The following MMUT variants were observed in gnomAD, a reference collection of about 807,000 sequenced individuals.
The protein encoded by MMUT is methylmalonyl-CoA mutase, mitochondrial.
MMUT carries 79 observed loss-of-function variants against 79.9 expected under a neutral mutation model. That is an observed-to-expected ratio of 0.99 (90% confidence interval 0.82 to 1.19). The LOEUF is 1.19. Among genes scored for constraint, MMUT ranks in the 50% most tolerant of loss-of-function variants. The pLI is 0.00. For missense variants in MMUT, 860 were observed against 917.2 expected (o/e 0.94, Z 0.81); for synonymous variants, 273 against 295.7 (o/e 0.92, Z 0.79).
Position 49,453,612 on chromosome 6 carries a change from C to G in MMUT, c.1056G>C (p.Gln352His). 6.2e-7 allele frequency: 1 copy of G among 1,612,066 alleles called. No individual in the cohort carries two copies. The highest frequency in any genetic ancestry group is 8.5e-7 in the Non-Finnish European group (1 of 1,178,686). Residue 352 changes from glutamine (Q) to histidine (H), a missense_variant, in exon 5 of 13, where the codon CAG (glutamine) becomes CAC (histidine). By Grantham distance (24) the Gln-to-His change is conservative (BLOSUM62 0). Coordinates refer to ENST00000274813, the MANE Select transcript of MMUT (RefSeq NM_000255.4). ...SKSLLLRAHC[Q>H]TSGWSLTEQD... ...GCTCAGTAAGTGACCATCCAGATGT[C>G]TGACAGTGTGCTCTTAGAAGAAGAG...
intron 7 of MMUT, 116 bp from the exon 8 acceptor site, chr6:49,447,901 A>G: frequency 3.0e-6 from 2 of 673,928 alleles, no homozygotes; most frequent in Non-Finnish European, 5.3e-6. Context: ...CTTAATTCTT[A>G]ATGCAACTTC....
chr6:49,452,215 G>A (rs2127418153), intron 5 of MMUT, among the ~76,000 whole-genome samples: 1 of 152,234 alleles, frequency 6.6e-6, no homozygotes, highest in African/African-American at 2.4e-5. Flanking sequence ...GGATCTCTCT[G>A]AACTTCAGTT....
chr6:49,437,818 CAG>C (rs1332697934), intron 11 of MMUT, among the ~76,000 whole-genome samples: 1 of 151,928 alleles, frequency 6.6e-6, no homozygotes, highest in Non-Finnish European at 1.5e-5. Context: ...CCATCCACTT[CAG>C]AGAGTGATTT....
chr6:49,457,113 T>C (rs1037203087), intron 3 of MMUT, among the ~76,000 whole-genome samples: 4 of 152,160 alleles, frequency 2.6e-5, no homozygotes, highest in African/African-American at 9.7e-5. Flanking sequence ...TTAACGTAGG[T>C]AAGGAGAAGG....
At chr6:49,447,425 T>C (rs956378859) in intron 8 of MMUT, among the ~76,000 whole-genome samples, 1 of 151,686 alleles carries the variant, frequency 6.6e-6, no homozygotes, top group Non-Finnish European at 1.5e-5. Context: ...TTCACAGAGG[T>C]AGATATCATG....
In MMUT at chr6:49,431,366, G is replaced by C. The variant is rs1419597322; in HGVS notation, c.*362C>G. 1 of 163,568 alleles carries C rather than the reference G, an allele frequency of 6.1e-6. No individual in the cohort carries two copies. Among genetic ancestry groups the C allele is most frequent in the East Asian group, 1.8e-4 (1 of 5,704 alleles). The allele number at this position is 163,568 out of a possible 1,614,324, so 10.1% of individuals were successfully genotyped here. ...AATGCTAAACTGACAAATGGGAATA[G>C]TCAGAGTTTTTTTAGGTACAGTTTA... On this transcript the variant is annotated 3_prime_UTR_variant, in exon 13 of 13. Transcript: ENST00000274813.
chr6:49,457,998 T>C lies in MMUT; in HGVS notation c.446A>G (p.Asp149Gly), dbSNP rs1194327802. ...DLATHRGYDSDNPRVRGDVGM... is the reference protein window; with the variant it reads ...DLATHRGYDSGNPRVRGDVGM... ...AACATCACCACGAACTCGAGGGTTG[T>C]CTGAATCATAGCCACGATGTGTCGC... The change falls in exon 3 of 13, where the codon GAC (aspartate) becomes GGC (glycine). Residue 149 changes from aspartate to glycine, a missense_variant. Coordinates refer to ENST00000274813, the MANE Select transcript of MMUT (RefSeq NM_000255.4). The C allele has an allele frequency of 2.5e-6, 4 of 1,605,714 alleles. No individual in the cohort carries two copies. Among genetic ancestry groups the C allele is most frequent in the Admixed American group, 1.7e-5 (1 of 59,984 alleles).
intron 12 of MMUT, among the ~76,000 whole-genome samples, chr6:49,434,388 C>G (rs1462048518): frequency 6.6e-6 from 1 of 151,994 alleles, no homozygotes; most frequent in African/African-American, 2.4e-5. Flanking sequence ...TGAATTTTCT[C>G]CTTTCACAAG....
Position 49,441,963 on chromosome 6 carries a change from A to G in MMUT, c.1685T>C (p.Val562Ala). 6.2e-7 allele frequency: 1 copy of G among 1,610,074 alleles called. No homozygotes were observed. Among genetic ancestry groups the G allele is most frequent in the Non-Finnish European group, 8.5e-7 (1 of 1,176,880 alleles). The change falls in exon 10 of 13, where the codon GTG becomes GCG. Residue 562 changes from valine (V) to alanine (A), a missense_variant. Physicochemically the swap from Val to Ala is moderately conservative, Grantham distance 64. Transcript: ENST00000274813. Reference sequence around the variant, plus strand: ...TTTCAGGGCATCTGTGATTTCTCCCACTGTACATCTGAAACATGAAATGGT... The same window carrying G: ...TTTCAGGGCATCTGTGATTTCTCCCGCTGTACATCTGAAACATGAAATGGT... The part of the protein sequence containing the change: ...AVDASRARCT[V>A]GEITDALKKV...
At chr6:49,459,637 C>G (rs1767790009) in intron 1 of MMUT, 132 bp from the exon 2 acceptor site, 2 of 736,708 alleles carry the variant, frequency 2.7e-6, no homozygotes, top group East Asian at 5.4e-5. Flanking sequence ...CTGCTTCCTG[C>G]ACCTGATATT....
intron 1 of MMUT, among the ~76,000 whole-genome samples, chr6:49,461,508 C>T (rs1767841806): frequency 1.3e-5 from 2 of 151,876 alleles, no homozygotes; most frequent in South Asian, 4.1e-4. Flanking sequence ...GTGGTTCACG[C>T]CTGGAATCCC....
rs182241946 is a variant in MMUT, at chr6:49,461,578, G to C, written c.-40+1525C>G. Among the ~76,000 whole-genome samples the C allele has an allele frequency of 2.0e-5, 3 of 152,132 alleles. No individual in the cohort carries two copies. The East Asian group carries it at 5.8e-4, about 30-fold the overall frequency. ...GAGGTCAGGGGTTCAAGACCAGCCT[G>C]GCCAACACGGTGAAACCCAGTCTCT... On this transcript the variant is annotated intron_variant, in intron 1 of 12. Coordinates refer to ENST00000274813, the MANE Select transcript of MMUT (RefSeq NM_000255.4).
At chr6:49,449,214 G>A (rs1307024952) in intron 6 of MMUT, among the ~76,000 whole-genome samples, 1 of 151,926 alleles carries the variant, frequency 6.6e-6, no homozygotes, top group African/African-American at 2.4e-5. Context: ...TTATTTTTAG[G>A]TACATAAAGT....
At chr6:49,455,546 G>A (rs1272180799) in intron 4 of MMUT, among the ~76,000 whole-genome samples, 2 of 152,194 alleles carry the variant, frequency 1.3e-5, no homozygotes, top group Non-Finnish European at 2.9e-5. Flanking sequence ...GCACAGCAAA[G>A]CTTAGCAAGT....
chr6:49,438,158 T>C (rs1350093665), intron 11 of MMUT, among the ~76,000 whole-genome samples: 5 of 152,162 alleles, frequency 3.3e-5, no homozygotes, highest in Non-Finnish European at 5.9e-5. Context: ...ATCTGGTAGA[T>C]GATCAATACA....
chr6:49,431,941 C>T (rs1766991108), intron 12 of MMUT, 85 bp from the exon 13 acceptor site: 5 of 1,490,090 alleles, frequency 3.4e-6, no homozygotes, highest in Admixed American at 1.7e-5. Context: ...CTTTGTCACT[C>T]AATTACCCAA....
At chr6:49,450,666 A>C (rs958560905) in intron 6 of MMUT, among the ~76,000 whole-genome samples, 16 of 152,212 alleles carry the variant, frequency 1.1e-4, no homozygotes, top group Admixed American at 6.5e-4. Flanking sequence ...GCTATTAATC[A>C]ATTATAAAAA....
chr6:49,451,843 T>G (rs1767562824), intron 5 of MMUT, 129 bp from the exon 6 acceptor site: 7 of 1,061,860 alleles, frequency 6.6e-6, no homozygotes, highest in South Asian at 4.5e-5. Flanking sequence ...AGCTTCAGAA[T>G]AGCAAATAAA....
intron 1 of MMUT, among the ~76,000 whole-genome samples, chr6:49,460,672 A>G (rs1172521090): frequency 6.6e-6 from 1 of 152,228 alleles, no homozygotes; most frequent in African/African-American, 2.4e-5. Context: ...CCATTGTTTA[A>G]AAAGATATTG....
Sources: allele counts gnomAD v4.1 joint callset (sites outside exome capture counted in the v4.1 genomes callset), GRCh38; gene constraint gnomAD v4.1.1; transcripts MANE v1.5; gene names NCBI Gene and HGNC (gene_info 2026-07-23, HGNC 2026-07-21).